PDE4D: variants seen among roughly 807,000 people sequenced by gnomAD.
PDE4D encodes the protein phosphodiesterase 4D, also known as 3',5'-cyclic-AMP phosphodiesterase 4D.
PDE4D carries 24 observed loss-of-function variants against 87.4 expected under a neutral mutation model. The ratio of observed to expected loss-of-function variants is 0.27; its 90% CI spans 0.20 to 0.39. PDE4D has a LOEUF of 0.39. Among genes scored for constraint, PDE4D ranks in the 10% least tolerant of loss-of-function variants. The pLI, the probability that PDE4D is intolerant of heterozygous loss-of-function variation, is 1.00. For missense variants in PDE4D, 714 were observed against 1,041.0 expected (o/e 0.69, Z 4.32); for synonymous variants, 384 against 383.2 (o/e 1.00, Z -0.02).
At chr5:60,377,609 T>C (rs1206903396) in intron 1 of PDE4D, among the ~76,000 whole-genome samples, 2 of 152,114 alleles carry the variant, frequency 1.3e-5, no homozygotes, top group African/African-American at 4.8e-5. Flanking sequence ...ATTTGGCATC[T>C]ACCTGCCAAC....
intron 1 of PDE4D, chr5:59,430,160 A>G (rs892919886): frequency 2.6e-6 from 2 of 781,126 alleles, no homozygotes; most frequent in Non-Finnish European, 3.5e-6. Flanking sequence ...TTTTTTCCCA[A>G]CTATCCAGTG....
In PDE4D at chr5:60,318,748, T is replaced by C. The variant is rs573325464; in HGVS notation, c.-89-133061A>G. Among the ~76,000 whole-genome samples the C allele has an allele frequency of 2.0e-5, 3 of 152,188 alleles. No homozygotes were observed. The South Asian group carries it at 6.2e-4, about 32-fold the overall frequency. On this transcript the variant is annotated intron_variant, in intron 1 of 16. Transcript: ENST00000502484. Reference sequence around the variant, plus strand: ...TTATTTCTCCTTCACTTATGAAGCTTAGTTTGGCTGGATATGAAATTCTGG... The same window carrying C: ...TTATTTCTCCTTCACTTATGAAGCTCAGTTTGGCTGGATATGAAATTCTGG...
intron 1 of PDE4D, among the ~76,000 whole-genome samples, chr5:60,295,293 G>C (rs761165495): frequency 2.6e-5 from 4 of 152,126 alleles, no homozygotes; most frequent in Non-Finnish European, 4.4e-5. Flanking sequence ...TATGTCATAC[G>C]TGAATAAAAG....
chr5:59,275,291 A>G (rs1344455252), intron 1 of PDE4D: 2 of 1,451,650 alleles, frequency 1.4e-6, no homozygotes. Context: ...GGAGTACGTC[A>G]ATCTTAAAAG....
At chr5:59,287,079 G>C (rs1223549257) in intron 1 of PDE4D, among the ~76,000 whole-genome samples, 1 of 152,142 alleles carries the variant, frequency 6.6e-6, no homozygotes, top group Admixed American at 6.5e-5. Context: ...TACCAGCTTA[G>C]CCACAGCAGG....
intron 1 of PDE4D, among the ~76,000 whole-genome samples, chr5:60,456,927 T>C (rs1008516429): frequency 6.6e-6 from 1 of 152,190 alleles, no homozygotes; most frequent in Non-Finnish European, 1.5e-5. Flanking sequence ...TTTTGGGCTT[T>C]AATCTGGTCA....
At chr5:59,266,105 A>T (rs527350580) in intron 1 of PDE4D, among the ~76,000 whole-genome samples, 1 of 152,098 alleles carries the variant, frequency 6.6e-6, no homozygotes, top group African/African-American at 2.4e-5. Flanking sequence ...AGTTAAAAAA[A>T]TATTTCTCCA....
intron 1 of PDE4D, among the ~76,000 whole-genome samples, chr5:60,300,512 C>G (rs760927244): frequency 1.3e-5 from 2 of 152,036 alleles, no homozygotes; most frequent in Non-Finnish European, 1.5e-5. Context: ...AGATTTTCTT[C>G]TAGGGTTTTT....
chr5:59,737,316 C>G (rs952150822), intron 1 of PDE4D, among the ~76,000 whole-genome samples: 1 of 152,006 alleles, frequency 6.6e-6, no homozygotes, highest in African/African-American at 2.4e-5. Context: ...TGATATATTA[C>G]AAAATGCCTT....
chr5:60,077,642 A>T (rs1372295274), intron 2 of PDE4D, among the ~76,000 whole-genome samples: 4 of 152,152 alleles, frequency 2.6e-5, no homozygotes, highest in Admixed American at 2.6e-4. Flanking sequence ...CTAGGGCTAC[A>T]GTCTCCTATG....
chr5:60,032,596 C>T (rs2152860822), intron 2 of PDE4D, among the ~76,000 whole-genome samples: 1 of 152,194 alleles, frequency 6.6e-6, no homozygotes, highest in South Asian at 2.1e-4. Flanking sequence ...CAAATCCTAC[C>T]TTTTCTAGGA....
chr5:59,992,288 C>A (rs550538703), intron 2 of PDE4D, among the ~76,000 whole-genome samples: 51 of 152,278 alleles, frequency 3.3e-4, no homozygotes, highest in Admixed American at 9.2e-4. Flanking sequence ...TTTTTGGATC[C>A]TTGCACTGCC....
intron 2 of PDE4D, among the ~76,000 whole-genome samples, chr5:60,089,913 A>C (rs1467280520): frequency 6.6e-6 from 1 of 151,976 alleles, no homozygotes; most frequent in African/African-American, 2.4e-5. Flanking sequence ...ACAAATAGGA[A>C]AACCTAAAAG....
At chr5:59,487,941 G>T (rs1805436446) in intron 1 of PDE4D, among the ~76,000 whole-genome samples, 1 of 152,086 alleles carries the variant, frequency 6.6e-6, no homozygotes, top group Non-Finnish European at 1.5e-5. Context: ...GTGACTGTCT[G>T]CCATAGTATT....
intron 1 of PDE4D, among the ~76,000 whole-genome samples, chr5:60,297,685 C>T (rs1753530749): frequency 6.6e-6 from 1 of 152,120 alleles, no homozygotes; most frequent in Admixed American, 6.5e-5. Context: ...CTGGTATTAT[C>T]CTATAACCAA....
intron 5 of PDE4D, among the ~76,000 whole-genome samples, chr5:59,156,288 C>T (rs1780159871): frequency 7.2e-6 from 1 of 139,444 alleles, no homozygotes; most frequent in African/African-American, 2.8e-5. Context: ...AGATTGAAAT[C>T]CCTGAACTAG....
At chr5:59,078,622 C>T (rs541532564) in intron 5 of PDE4D, among the ~76,000 whole-genome samples, 31 of 152,058 alleles carry the variant, frequency 2.0e-4, no homozygotes, top group African/African-American at 7.0e-4. Context: ...GATTCTCCCA[C>T]CTCAGCTTCC....
intron 1 of PDE4D, 50 bp from the exon 2 acceptor site, chr5:59,216,018 A>T (rs551502465): frequency 2.2e-6 from 3 of 1,375,998 alleles, no homozygotes; most frequent in Non-Finnish European, 3.0e-6. Flanking sequence ...TCACATGTTC[A>T]TATTTTCAAA....
At chr5:59,497,758 T>C (rs773232351) in intron 1 of PDE4D, among the ~76,000 whole-genome samples, 57 of 152,152 alleles carry the variant, frequency 3.7e-4, no homozygotes, top group Non-Finnish European at 4.6e-4. Context: ...TTTGAGGATA[T>C]AATTCAGGGA....
Sources: allele counts gnomAD v4.1 joint callset (sites outside exome capture counted in the v4.1 genomes callset), GRCh38; gene constraint gnomAD v4.1.1; transcripts MANE v1.5; gene names NCBI Gene and HGNC (gene_info 2026-07-23, HGNC 2026-07-21).